Variants in RBFOX1 observed in about 807,000 individuals in gnomAD.
The protein encoded by RBFOX1 is RNA binding protein fox-1 homolog 1.
In RBFOX1, 8 loss-of-function variants were observed where a neutral mutation model predicts 57.7. The observed-to-expected ratio is 0.14, with a 90% CI of 0.08 to 0.25. RBFOX1 has a LOEUF of 0.25. Among genes scored for constraint, RBFOX1 ranks in the 10% least tolerant of loss-of-function variants. The pLI, the probability that RBFOX1 is intolerant of heterozygous loss-of-function variation, is 1.00. For synonymous variants in RBFOX1, 326 were observed against 222.4 expected (o/e 1.47, Z -4.15); for missense variants, 611 against 548.5 (o/e 1.11, Z -1.14).
chr16:6,369,889 G>C (rs941706404), intron 2 of RBFOX1, among the ~76,000 whole-genome samples: 2 of 152,142 alleles, frequency 1.3e-5, no homozygotes, highest in Admixed American at 1.3e-4. Flanking sequence ...CTCATCCACA[G>C]TTTGTTTTCC....
intron 11 of RBFOX1, among the ~76,000 whole-genome samples, chr16:7,653,106 T>C (rs1454734558): frequency 6.6e-6 from 1 of 152,242 alleles, no homozygotes; most frequent in Non-Finnish European, 1.5e-5. Flanking sequence ...TACACATGCA[T>C]ATACACATAT....
chr16:5,683,209 A>G (rs1285205243), intron 3 of RBFOX1, among the ~76,000 whole-genome samples: 1 of 152,010 alleles, frequency 6.6e-6, no homozygotes. Flanking sequence ...CTTAGATGCA[A>G]AGCTGTGGCA....
chr16:6,541,865 G>C (rs2096824908), intron 2 of RBFOX1, among the ~76,000 whole-genome samples: 1 of 152,146 alleles, frequency 6.6e-6, no homozygotes, highest in Admixed American at 6.5e-5. Flanking sequence ...CATCTGAACA[G>C]ATTAACCCAA....
At position 5,925,380 on chromosome 16, in the gene RBFOX1, A is replaced by C. The variant is rs148188479; in HGVS notation, c.351+58045A>C. On this transcript the variant is annotated intron_variant, in intron 4 of 19. Transcript: ENST00000641259. ...AGTGTAGATGAACCTTGAAAATACCATACTTAGTAGAAAAAACTAGACCTG... is the reference window on the plus strand; with the variant it reads ...AGTGTAGATGAACCTTGAAAATACCCTACTTAGTAGAAAAAACTAGACCTG... 1.8e-4 allele frequency among the ~76,000 whole-genome samples: 28 copies of C among 152,096 alleles called. 1 individual carries two copies. The highest frequency in any genetic ancestry group is 3.9e-4 in the Admixed American group (6 of 15,270).
intron 4 of RBFOX1, among the ~76,000 whole-genome samples, chr16:7,311,030 G>T (rs910744942): frequency 6.6e-6 from 1 of 152,182 alleles, no homozygotes; most frequent in African/African-American, 2.4e-5. Context: ...CCGCTACCTT[G>T]ACCCAATTTG....
intron 3 of RBFOX1, among the ~76,000 whole-genome samples, chr16:6,855,582 G>A (rs1192495381): frequency 6.6e-6 from 1 of 151,354 alleles, no homozygotes; most frequent in Admixed American, 6.6e-5. Flanking sequence ...GAACCCGAGA[G>A]GTGGAGCTTG....
intron 2 of RBFOX1, among the ~76,000 whole-genome samples, chr16:6,410,168 CTGTGTGTGTG>C (rs3066618): frequency 0.41 from 60,672 of 146,900 alleles, 13,072 homozygotes; most frequent in Non-Finnish European, 0.48. Context: ...CATCATAAGG[CTGTGTGTGTG>C]TGTGTGTGTG....
At chr16:6,177,615 T>C (rs72774571) in intron 1 of RBFOX1, among the ~76,000 whole-genome samples, 11,904 of 152,212 alleles carry the variant, frequency 0.078, 657 homozygotes, top group African/African-American at 0.15. Flanking sequence ...CCTTTTCCCC[T>C]CACTGTCATC....
At chr16:6,299,261 G>A (rs928432418) in intron 1 of RBFOX1, among the ~76,000 whole-genome samples, 1 of 152,140 alleles carries the variant, frequency 6.6e-6, no homozygotes, top group African/African-American at 2.4e-5. Context: ...TTGCTCTTCC[G>A]TCTCTTCCTC....
chr16:6,906,361 TC>T (rs1411374022), intron 3 of RBFOX1, among the ~76,000 whole-genome samples: 1 of 152,042 alleles, frequency 6.6e-6, no homozygotes, highest in Admixed American at 6.6e-5. Flanking sequence ...TGTTGAAAAC[TC>T]GGTAATAACA....
chr16:5,359,325 A>G (rs1426445616), intron 1 of RBFOX1, among the ~76,000 whole-genome samples: 1 of 152,220 alleles, frequency 6.6e-6, no homozygotes, highest in Admixed American at 6.5e-5. Flanking sequence ...TTTTGCGTGT[A>G]TACCCAGCAA....
intron 3 of RBFOX1, among the ~76,000 whole-genome samples, chr16:6,851,878 C>G (rs1350224306): frequency 6.6e-6 from 1 of 151,454 alleles, no homozygotes. Context: ...TATCCTTTAG[C>G]TGTATTTTTT....
intron 4 of RBFOX1, among the ~76,000 whole-genome samples, chr16:7,326,446 G>C (rs1252779152): frequency 6.6e-6 from 1 of 152,136 alleles, no homozygotes; most frequent in Admixed American, 6.5e-5. Flanking sequence ...AGCAACATCT[G>C]TATGGGGTGT....
chr16:6,978,566 T>A (rs1435572269), intron 3 of RBFOX1, among the ~76,000 whole-genome samples: 1 of 131,878 alleles, frequency 7.6e-6, no homozygotes, highest in Non-Finnish European at 1.7e-5. Context: ...ATAGAGCCCC[T>A]TTCTCCTTTC....
intron 4 of RBFOX1, among the ~76,000 whole-genome samples, chr16:7,111,793 T>G (rs1448379897): frequency 1.3e-5 from 2 of 152,146 alleles, no homozygotes; most frequent in Non-Finnish European, 2.9e-5. Context: ...GGCCAATCTA[T>G]TTGATTTTTT....
intron 3 of RBFOX1, among the ~76,000 whole-genome samples, chr16:7,011,702 A>G (rs1317697427): frequency 1.3e-5 from 2 of 152,066 alleles, no homozygotes; most frequent in Admixed American, 6.5e-5. Flanking sequence ...TTTAGTAGAG[A>G]TGGGAGTTTC....
At chr16:5,366,340 A>G (rs1169297544) in intron 1 of RBFOX1, 3 of 366,510 alleles carry the variant, frequency 8.2e-6, no homozygotes, top group Admixed American at 3.5e-5. Flanking sequence ...TTTGATGATG[A>G]TGATGATTTT....
In RBFOX1 at chr16:7,164,586, T is replaced by C. The variant is rs150410998; in HGVS notation, c.27+112488T>C. Among the ~76,000 whole-genome samples the C allele has an allele frequency of 1.1e-3, 167 of 152,322 alleles. 2 individuals are homozygous for C. The highest frequency in any genetic ancestry group is 3.9e-3 in the African/African-American group (161 of 41,578). On this transcript the variant is annotated intron_variant, in intron 4 of 15. Coordinates refer to ENST00000550418, the MANE Select transcript of RBFOX1 (RefSeq NM_018723.4). ...TGTGAAAAGCCCCCTCTAAATCCTC[T>C]TGTCTAGAGAAAACCACTTTTAATA...
rs373340300 is a variant in RBFOX1, at chr16:6,499,816, C to G, written c.-63-154787C>G. Among the ~76,000 whole-genome samples, 4 of 152,130 alleles carry G rather than the reference C, an allele frequency of 2.6e-5. No individual in the cohort carries two copies. The South Asian group carries it at 6.2e-4, about 24-fold the overall frequency. ...CAGTCTCCAGTCATTAGGGCATTCG[C>G]GGGTAATCGATACCTCCTCTTGTTG... On this transcript the variant is annotated intron_variant, in intron 2 of 15. Coordinates refer to ENST00000550418, the MANE Select transcript of RBFOX1 (RefSeq NM_018723.4).
Sources: gnomAD v4.1 joint callset for allele counts (sites outside exome capture counted in the v4.1 genomes callset) on GRCh38, gnomAD v4.1.1 for gene constraint, MANE v1.5 for transcripts, NCBI Gene and HGNC (gene_info 2026-07-23, HGNC 2026-07-21) for gene names.